TENT2: variants seen among roughly 807,000 people sequenced by gnomAD.
TENT2 encodes the protein terminal nucleotidyltransferase 2.
In TENT2, 44 loss-of-function variants were observed where a neutral mutation model predicts 72.2. The observed-to-expected ratio is 0.61, with a 90% CI of 0.48 to 0.78. TENT2 has a LOEUF of 0.78. TENT2 is among the 30% of genes least tolerant of loss of function. The pLI, the probability that TENT2 is intolerant of heterozygous loss-of-function variation, is 0.00. For missense variants in TENT2, 541 were observed against 569.6 expected (o/e 0.95, Z 0.51); for synonymous variants, 212 against 192.5 (o/e 1.10, Z -0.84).
At chr5:79,677,133 T>C (rs1444627715) in intron 12 of TENT2, among the ~76,000 whole-genome samples, 1 of 152,214 alleles carries the variant, frequency 6.6e-6, no homozygotes, top group Non-Finnish European at 1.5e-5. Context: ...TTTTAATGAT[T>C]TGAAATGTTT....
intron 4 of TENT2, among the ~76,000 whole-genome samples, chr5:79,640,154 G>A (rs1292432778): frequency 7.9e-5 from 12 of 151,924 alleles, no homozygotes; most frequent in African/African-American, 1.9e-4. Context: ...TACTTGGGAC[G>A]CTGAGGCAGG....
rs1341119669 is a variant in TENT2 at position 79,685,902 on chromosome 5, T to A, written c.*629T>A. ...CTTTTGATGTACTCTTGAGATTGCT[T>A]TAAATTTTGTATTGAAACAACAATA... is the stretch of plus-strand genomic sequence containing the variant. On this transcript the variant is annotated 3_prime_UTR_variant, in exon 15 of 15. Transcript: ENST00000453514. 6.6e-6 allele frequency: 1 copy of A among 152,658 alleles called. No homozygotes were observed. The highest frequency in any genetic ancestry group is 2.4e-5 in the African/African-American group (1 of 41,450). 9.5% of individuals were successfully genotyped at this position (152,658 alleles called of 1,614,324 possible).
At chr5:79,640,768 A>G (rs565317621) in intron 4 of TENT2, 83 bp from the exon 5 acceptor site, 5 of 730,784 alleles carry the variant, frequency 6.8e-6, no homozygotes, top group East Asian at 2.8e-5. Context: ...TAGTGTCAGT[A>G]TAATTGATTT....
intron 12 of TENT2, 95 bp downstream of exon 12, chr5:79,669,123 A>T: frequency 7.2e-7 from 1 of 1,385,456 alleles, no homozygotes; most frequent in Non-Finnish European, 9.7e-7. Flanking sequence ...TAAATGCTAC[A>T]GATTTAGTCA....
chr5:79,652,173 A>G (rs1016708762), intron 10 of TENT2, among the ~76,000 whole-genome samples: 6 of 151,928 alleles, frequency 3.9e-5, no homozygotes, highest in Non-Finnish European at 2.9e-5. Flanking sequence ...ATGTAAAGCT[A>G]TTTTTTTATG....
intron 11 of TENT2, among the ~76,000 whole-genome samples, chr5:79,662,724 G>A (rs1343288199): frequency 7.2e-5 from 11 of 152,112 alleles, no homozygotes; most frequent in Admixed American, 7.2e-4. Flanking sequence ...TAGAGCACTG[G>A]CGGAGTAAAT....
Position 79,649,112 on chromosome 5 carries a change from C to T in TENT2, c.949C>T (p.His317Tyr). The T allele has an allele frequency of 1.2e-6, 2 of 1,613,394 alleles. No individual in the cohort carries two copies. Among genetic ancestry groups the T allele is most frequent in the South Asian group, 2.2e-5 (2 of 91,056 alleles). ...GCTGGTGATTAAGAAGTGGGCAAGT[C>T]ACCATCAGATAAATGATGCCAGTCG... ...LVLVIKKWASHHQINDASRGT... is the reference protein window; with the variant it reads ...LVLVIKKWASYHQINDASRGT... The change falls in exon 10 of 15, where the codon CAC (histidine) becomes TAC (tyrosine). Residue 317 changes from histidine (H) to tyrosine (Y), a missense_variant. His to Tyr is a moderately conservative substitution (Grantham distance 83). Coordinates refer to ENST00000453514, the MANE Select transcript of TENT2 (RefSeq NM_001114394.3).
intron 11 of TENT2, among the ~76,000 whole-genome samples, chr5:79,665,709 C>G (rs1400746707): frequency 6.6e-6 from 1 of 152,118 alleles, no homozygotes; most frequent in Admixed American, 6.5e-5. Context: ...AATCTTCCCT[C>G]TATATAGGCA....
In TENT2 at chr5:79,650,983, A is replaced by G. The variant is rs147449957; in HGVS notation, c.1027+1793A>G. ...GTTTCAGAATTATTATGTTTAAAAT[A>G]ATACTTAAAACGTAGTGATATTAAA... On this transcript the variant is annotated intron_variant, in intron 10 of 14. Coordinates refer to ENST00000453514, the MANE Select transcript of TENT2 (RefSeq NM_001114394.3). Among the ~76,000 whole-genome samples, 650 of 152,230 alleles carry G rather than the reference A, an allele frequency of 4.3e-3. 3 individuals carry two copies. The highest frequency in any genetic ancestry group is 0.015 in the African/African-American group (618 of 41,562).
chr5:79,643,820 G>T (rs1018647387), intron 7 of TENT2, among the ~76,000 whole-genome samples: 6 of 151,242 alleles, frequency 4.0e-5, no homozygotes, highest in Admixed American at 2.6e-4. Context: ...TTTTTCTTTT[G>T]GTTATTTTTA....
intron 4 of TENT2, 22 bp downstream of exon 4, chr5:79,623,511 GT>G (rs777476497): frequency 2.3e-5 from 35 of 1,506,970 alleles, no homozygotes; most frequent in Admixed American, 4.2e-5. Context: ...GTAGATTTTA[GT>G]TTTGCCTTTT....
chr5:79,644,289 A>G (rs921589318), intron 7 of TENT2, among the ~76,000 whole-genome samples: 1 of 152,072 alleles, frequency 6.6e-6, no homozygotes, highest in Non-Finnish European at 1.5e-5. Context: ...GCTGATATAT[A>G]TTCTGTAATT....
chr5:79,651,775 G>A (rs1214043454), intron 10 of TENT2, among the ~76,000 whole-genome samples: 1 of 151,970 alleles, frequency 6.6e-6, no homozygotes, highest in African/African-American at 2.4e-5. Context: ...TGGAGATAGG[G>A]TGCCATTATT....
At chr5:79,677,055 C>T (rs1247973771) in intron 12 of TENT2, among the ~76,000 whole-genome samples, 1 of 152,096 alleles carries the variant, frequency 6.6e-6, no homozygotes, top group Non-Finnish European at 1.5e-5. Context: ...GTCGACAAAG[C>T]CCTGTCTCAA....
At position 79,623,660 on chromosome 5, in the gene TENT2, G is replaced by A. The variant is rs568813743; in HGVS notation, c.465+171G>A. Reference sequence around the variant, plus strand: ...CCAAACATTACTTTGATTTTTGTTAGCTATTCTTTTATAGAAATGCAGCCA... The same window carrying A: ...CCAAACATTACTTTGATTTTTGTTAACTATTCTTTTATAGAAATGCAGCCA... On this transcript the variant is annotated intron_variant, in intron 4 of 14. Transcript: ENST00000453514. 74 of 427,558 alleles carry A rather than the reference G, an allele frequency of 1.7e-4. 1 individual carries two copies. The South Asian group carries it at 4.7e-3, about 27-fold the overall frequency. 26.5% of individuals were successfully genotyped at this position (427,558 alleles called of 1,614,324 possible).
At chr5:79,642,729 GA>G (rs1333938192) in intron 6 of TENT2, 102 bp from the exon 7 acceptor site, 1 of 861,124 alleles carries the variant, frequency 1.2e-6, no homozygotes, top group African/African-American at 1.7e-5. Flanking sequence ...AACTCCAAAG[GA>G]AAGTATATCT....
chr5:79,643,555 G>T (rs1340126162), intron 7 of TENT2, among the ~76,000 whole-genome samples: 1 of 152,110 alleles, frequency 6.6e-6, no homozygotes, highest in African/African-American at 2.4e-5. Flanking sequence ...TCCATTTGTT[G>T]AACAGACATT....
chr5:79,629,855 C>T (rs1580269845), intron 4 of TENT2, among the ~76,000 whole-genome samples: 1 of 151,112 alleles, frequency 6.6e-6, no homozygotes, highest in African/African-American at 2.4e-5. Flanking sequence ...ATACATAGGC[C>T]GGGCACAGTG....
Position 79,687,304 on chromosome 5 carries a change from AT to A in TENT2, c.*2033del, listed in dbSNP as rs753135227. ...CTGGACTTTTAAGTTATTAATCTCAATTATTTGTGTGGTGAGTACTAAATTA... is the reference window on the plus strand; with the variant it reads ...CTGGACTTTTAAGTTATTAATCTCAATATTTGTGTGGTGAGTACTAAATTA... On this transcript the variant is annotated 3_prime_UTR_variant, in exon 15 of 15. Coordinates refer to ENST00000453514, the MANE Select transcript of TENT2 (RefSeq NM_001114394.3). Among the ~76,000 whole-genome samples, 4 of 152,120 alleles carry A rather than the reference AT, an allele frequency of 2.6e-5. No individual in the cohort carries two copies. Among genetic ancestry groups the A allele is most frequent in the Non-Finnish European group, 4.4e-5 (3 of 68,008 alleles).
Sources: allele counts gnomAD v4.1 joint callset (sites outside exome capture counted in the v4.1 genomes callset), GRCh38; gene constraint gnomAD v4.1.1; transcripts MANE v1.5; gene names NCBI Gene and HGNC (gene_info 2026-07-23, HGNC 2026-07-21).